The following ATP2C2 variants were observed in gnomAD, a reference collection of about 807,000 sequenced individuals.
The protein encoded by ATP2C2 is ATPase secretory pathway Ca2+ transporting 2.
ATP2C2 carries 171 observed loss-of-function variants against 110.8 expected under a neutral mutation model. That is an observed-to-expected ratio of 1.54 (90% confidence interval 1.36 to 1.75). The LOEUF (loss-of-function observed/expected upper bound fraction) is 1.75. Ranked by LOEUF, ATP2C2 falls within the 40% of genes most tolerant of loss-of-function variation. The probability of loss-of-function intolerance (pLI) is 0.00; values close to 1 mark genes in which losing one functional copy is unlikely to be tolerated. For synonymous variants in ATP2C2, 804 were observed against 508.4 expected (o/e 1.58, Z -7.82); for missense variants, 1,963 against 1,235.0 (o/e 1.59, Z -8.84).
chr16:84,406,287 C>T (rs935477864), intron 3 of ATP2C2, among the ~76,000 whole-genome samples: 1 of 152,250 alleles, frequency 6.6e-6, no homozygotes, highest in African/African-American at 2.4e-5. Context: ...AGTCGGCAGT[C>T]CCTGCCACCT....
At chr16:84,410,256 G>T (rs138854701) in intron 4 of ATP2C2, among the ~76,000 whole-genome samples, 1 of 152,218 alleles carries the variant, frequency 6.6e-6, no homozygotes, top group Non-Finnish European at 1.5e-5. Context: ...GGAGAAGGGT[G>T]TTTGCAGCAT....
chr16:84,420,808 G>C (rs186293651), intron 7 of ATP2C2, among the ~76,000 whole-genome samples: 9 of 151,870 alleles, frequency 5.9e-5, no homozygotes, highest in Admixed American at 2.0e-4. Flanking sequence ...TGACAGTTTC[G>C]GTTTTGTTTT....
At chr16:84,443,087 G>A (rs1352363953) in intron 15 of ATP2C2, among the ~76,000 whole-genome samples, 3 of 152,126 alleles carry the variant, frequency 2.0e-5, no homozygotes, top group African/African-American at 7.2e-5. Context: ...CAGTGTGGAG[G>A]GGATGGGTGG....
chr16:84,453,719 C>T (rs1404381421), intron 20 of ATP2C2, among the ~76,000 whole-genome samples: 3 of 152,128 alleles, frequency 2.0e-5, no homozygotes, highest in Non-Finnish European at 4.4e-5. Context: ...CCCCACCAAA[C>T]CTGGGGATAA....
At chr16:84,407,968 A>G (rs574785359) in intron 3 of ATP2C2, among the ~76,000 whole-genome samples, 2 of 152,362 alleles carry the variant, frequency 1.3e-5, no homozygotes, top group South Asian at 2.1e-4. Flanking sequence ...AGAGAGGGAC[A>G]TCATTGGAGT....
chr16:84,418,431 C>T (rs528160006), intron 7 of ATP2C2, among the ~76,000 whole-genome samples: 4 of 152,286 alleles, frequency 2.6e-5, no homozygotes, highest in Non-Finnish European at 5.9e-5. Flanking sequence ...CTTCTTGGTC[C>T]GGAGGTGCCA....
rs549964766 is a variant in ATP2C2 at position 84,422,809 on chromosome 16, A to T, written c.843+112A>T. On this transcript the variant is annotated intron_variant, in intron 9 of 26. Transcript: ENST00000262429. The stretch of plus-strand genomic sequence containing the variant: ...TAGGAATGAGTGGCATGTGGTTCAT[A>T]TGAGTATACTTTTTAAACATTTAAT... 38 of 1,140,906 alleles carry T rather than the reference A, an allele frequency of 3.3e-5. No individual in the cohort carries two copies. In the South Asian group the frequency reaches 5.7e-4, roughly 17 times the overall value. 70.7% of individuals were successfully genotyped at this position (1,140,906 alleles called of 1,614,324 possible).
chr16:84,447,801 C>A, intron 16 of ATP2C2, among the ~76,000 whole-genome samples: 2 of 141,928 alleles, frequency 1.4e-5, no homozygotes, highest in African/African-American at 5.5e-5. Flanking sequence ...AAATAATATA[C>A]AATACATATG....
chr16:84,440,906 C>A lies in ATP2C2; in HGVS notation c.1259C>A (p.Ser420Tyr). 1 of 1,613,568 alleles carries A rather than the reference C, an allele frequency of 6.2e-7. No homozygotes were observed. Among genetic ancestry groups the A allele is most frequent in the Non-Finnish European group, 8.5e-7 (1 of 1,179,954 alleles). The change falls in exon 14 of 27, where the codon TCC becomes TAC. Residue 420 changes from serine (S) to tyrosine (Y), a missense_variant. By Grantham distance (144) the Ser-to-Tyr change is moderately radical. Transcript: ENST00000262429. ...CAAGGGACTGTGTGTCTTCTACCAT[C>A]CAAGGAAGTCATTAAGGAATTTTCC... is the stretch of plus-strand genomic sequence containing the variant. ...DGQGTVCLLP[S>Y]KEVIKEFSNV...
At position 84,460,679 on chromosome 16, in the gene ATP2C2, G is replaced by A. The variant is rs773733800; in HGVS notation, c.2359G>A (p.Asp787Asn). The A allele has an allele frequency of 1.9e-5, 30 of 1,614,098 alleles. No homozygotes were observed. The highest frequency in any genetic ancestry group is 2.5e-5 in the Non-Finnish European group (29 of 1,180,046). Residue 787 changes from aspartate (D) to asparagine (N), a missense_variant, in exon 24 of 27, where the codon GAC (aspartate) becomes AAC (asparagine). Transcript: ENST00000262429. ...QSLGVEPVDK[D>N]AFRQPPRSVR... Reference sequence around the variant, plus strand: ...CTTGGGGGTAGAGCCCGTTGACAAAGACGCCTTCAGGCAGCCACCACGGAG... The same window carrying A: ...CTTGGGGGTAGAGCCCGTTGACAAAAACGCCTTCAGGCAGCCACCACGGAG...
At position 84,416,496 on chromosome 16, in the gene ATP2C2, G is replaced by A. The variant is rs557653973; in HGVS notation, c.624+905G>A. 3.5e-4 allele frequency among the ~76,000 whole-genome samples: 53 copies of A among 152,282 alleles called. No homozygotes were observed. In the South Asian group the frequency reaches 4.2e-3, roughly 12 times the overall value. ...ATTAAGAGGGCAGCATCAGGGAAGC[G>A]GATGGAGAAGAGCACAAAGGGTTGG... On this transcript the variant is annotated intron_variant, in intron 7 of 26. Coordinates refer to ENST00000262429, the MANE Select transcript of ATP2C2 (RefSeq NM_014861.4).
At chr16:84,463,182 A>ACGCTGGGAATTCATCCCAGGGAACATGT (rs58282771) in intron 26 of ATP2C2, among the ~76,000 whole-genome samples, 2 of 135,124 alleles carry the variant, frequency 1.5e-5, no homozygotes, top group African/African-American at 2.6e-5. Context: ...GCAGAGGGAG[A>ACGCTGGGAATTCATCCCAGGGAACATGT]CGCTGGGAAT....
intron 1 of ATP2C2, among the ~76,000 whole-genome samples, chr16:84,374,975 G>A (rs1910166620): frequency 6.6e-6 from 1 of 152,174 alleles, no homozygotes; most frequent in South Asian, 2.1e-4. Flanking sequence ...CAAGTCAGAT[G>A]TTGAGAAGGA....
intron 4 of ATP2C2, 49 bp downstream of exon 4, chr16:84,408,543 G>A: frequency 6.9e-7 from 1 of 1,452,666 alleles, no homozygotes. Context: ...CCACAGGTCT[G>A]CTGAGTCTCT....
intron 1 of ATP2C2, among the ~76,000 whole-genome samples, chr16:84,374,863 G>A (rs1179130786): frequency 6.6e-6 from 1 of 152,124 alleles, no homozygotes; most frequent in Admixed American, 6.5e-5. Flanking sequence ...GGGTTTTATT[G>A]CCACCCCACC....
intron 3 of ATP2C2, among the ~76,000 whole-genome samples, chr16:84,405,559 G>A (rs897241945): frequency 6.6e-6 from 1 of 152,230 alleles, no homozygotes; most frequent in Admixed American, 6.5e-5. Flanking sequence ...AAGGAGAAGT[G>A]CAGAGGTTGA....
chr16:84,423,618 C>T (rs888356611), intron 10 of ATP2C2, among the ~76,000 whole-genome samples: 35 of 152,232 alleles, frequency 2.3e-4, no homozygotes, highest in Non-Finnish European at 4.4e-5. Context: ...CTATCTTCCT[C>T]TGGGTCCTTG....
At chr16:84,449,136 G>C (rs906432934) in intron 17 of ATP2C2, among the ~76,000 whole-genome samples, 1 of 152,178 alleles carries the variant, frequency 6.6e-6, no homozygotes, top group Non-Finnish European at 1.5e-5. Context: ...ATTTCCCTTG[G>C]TGTCATTTGT....
chr16:84,412,256 G>T (rs113075280), intron 6 of ATP2C2, among the ~76,000 whole-genome samples: 1 of 148,522 alleles, frequency 6.7e-6, no homozygotes, highest in African/African-American at 2.4e-5. Context: ...GATTGTGTAT[G>T]TGTGTGTATG....
Sources: allele counts gnomAD v4.1 joint callset (sites outside exome capture counted in the v4.1 genomes callset), GRCh38; gene constraint gnomAD v4.1.1; transcripts MANE v1.5; gene names NCBI Gene and HGNC (gene_info 2026-07-23, HGNC 2026-07-21).